The following LRRC4C variants were observed in gnomAD, a reference collection of about 807,000 sequenced individuals.
The protein encoded by LRRC4C is leucine rich repeat containing 4C, also known as leucine-rich repeat-containing protein 4C.
A neutral mutation model predicts 33.6 loss-of-function variants in LRRC4C; 5 were observed. That is an observed-to-expected ratio of 0.15 (90% CI 0.08 to 0.31). The LOEUF is 0.31. Among genes scored for constraint, LRRC4C ranks in the 10% least tolerant of loss-of-function variants. The pLI is 1.00. For synonymous variants in LRRC4C, 329 were observed against 302.0 expected (o/e 1.09, Z -0.93); for missense variants, 560 against 796.7 (o/e 0.70, Z 3.58).
intron 1 of LRRC4C, among the ~76,000 whole-genome samples, chr11:41,143,454 C>T (rs1943600084): frequency 6.6e-6 from 1 of 152,072 alleles, no homozygotes; most frequent in South Asian, 2.1e-4. Flanking sequence ...CTTTCAAATG[C>T]AAAGGTTTTT....
chr11:40,368,459 C>T (rs544537459), intron 3 of LRRC4C, among the ~76,000 whole-genome samples: 9 of 152,170 alleles, frequency 5.9e-5, no homozygotes, highest in African/African-American at 1.2e-4. Context: ...AAACTTAGTA[C>T]GGGAACATTT....
chr11:41,175,670 G>A (rs1306601534), intron 1 of LRRC4C, among the ~76,000 whole-genome samples: 1 of 152,110 alleles, frequency 6.6e-6, no homozygotes, highest in African/African-American at 2.4e-5. Flanking sequence ...AAGAGAAGCA[G>A]ACTATTTGTG....
At chr11:40,232,938 G>A (rs556601662) in intron 5 of LRRC4C, among the ~76,000 whole-genome samples, 10 of 152,190 alleles carry the variant, frequency 6.6e-5, no homozygotes, top group East Asian at 1.9e-4. Flanking sequence ...TAAACTTTCC[G>A]TTGGCTTGCC....
intron 1 of LRRC4C, among the ~76,000 whole-genome samples, chr11:41,439,537 AT>A (rs972264568): frequency 4.6e-5 from 7 of 151,936 alleles, no homozygotes; most frequent in Non-Finnish European, 1.0e-4. Context: ...CAAACATCCA[AT>A]TTTTTTTATT....
At chr11:41,093,948 A>C (rs1056265752) in intron 1 of LRRC4C, among the ~76,000 whole-genome samples, 1 of 150,034 alleles carries the variant, frequency 6.7e-6, no homozygotes, top group African/African-American at 2.5e-5. Context: ...AAAAAAAAAA[A>C]AACACACAAA....
intron 1 of LRRC4C, among the ~76,000 whole-genome samples, chr11:41,085,641 C>G (rs1213863062): frequency 6.6e-6 from 1 of 152,028 alleles, no homozygotes; most frequent in African/African-American, 2.4e-5. Flanking sequence ...GCTTCAGGAA[C>G]CTGAGGTGGT....
chr11:41,022,462 G>T, intron 1 of LRRC4C, among the ~76,000 whole-genome samples: 1 of 151,800 alleles, frequency 6.6e-6, no homozygotes, highest in East Asian at 1.9e-4. Flanking sequence ...TGTGTTTCGA[G>T]GGCTACAGAA....
intron 1 of LRRC4C, among the ~76,000 whole-genome samples, chr11:41,368,156 G>A (rs1374043380): frequency 6.6e-6 from 1 of 152,102 alleles, no homozygotes; most frequent in African/African-American, 2.4e-5. Flanking sequence ...CACCAATCAT[G>A]GCAAATTTCG....
intron 5 of LRRC4C, among the ~76,000 whole-genome samples, chr11:40,148,984 T>C (rs1322852547): frequency 6.6e-6 from 1 of 152,158 alleles, no homozygotes; most frequent in Non-Finnish European, 1.5e-5. Context: ...AAAGATCAGA[T>C]AGTTGTAGGA....
At chr11:41,344,791 C>T (rs12291212) in intron 1 of LRRC4C, among the ~76,000 whole-genome samples, 27,142 of 152,118 alleles carry the variant, frequency 0.18, 2,820 homozygotes, top group East Asian at 0.45. Context: ...TCAATAAATA[C>T]TGGCTATTTA....
intron 1 of LRRC4C, among the ~76,000 whole-genome samples, chr11:41,187,068 T>A (rs1056230877): frequency 2.6e-5 from 4 of 152,180 alleles, no homozygotes; most frequent in Non-Finnish European, 4.4e-5. Context: ...TATATACATT[T>A]TCATCTATGA....
intron 1 of LRRC4C, among the ~76,000 whole-genome samples, chr11:41,044,175 A>G (rs2138027077): frequency 6.6e-6 from 1 of 152,294 alleles, no homozygotes; most frequent in African/African-American, 2.4e-5. Flanking sequence ...TATTATTGGT[A>G]GAATTTTTTA....
At chr11:40,392,684 A>G (rs190382065) in intron 3 of LRRC4C, among the ~76,000 whole-genome samples, 36 of 152,278 alleles carry the variant, frequency 2.4e-4, no homozygotes, top group Admixed American at 1.1e-3. Context: ...TTTAAGTACT[A>G]GAAAAAAAAT....
chr11:41,094,511 G>A (rs945743361), intron 1 of LRRC4C, among the ~76,000 whole-genome samples: 3 of 152,026 alleles, frequency 2.0e-5, no homozygotes, highest in Non-Finnish European at 4.4e-5. Flanking sequence ...ACAACACAGC[G>A]AGACTCTGTC....
intron 1 of LRRC4C, among the ~76,000 whole-genome samples, chr11:41,336,896 G>A (rs184645767): frequency 8.6e-5 from 13 of 151,982 alleles, no homozygotes; most frequent in Admixed American, 6.6e-4. Flanking sequence ...ATAGTTTAAT[G>A]CAATAAACAC....
At position 40,871,053 on chromosome 11, in the gene LRRC4C, CCA is replaced by C. The variant is rs540275615; in HGVS notation, c.-407+62580_-407+62581del. ...CGAAGCTGTAGGGATGAAATAAGCCCCAGTCTCCCGTAGTGCTCCCAGGCTTA... is the reference window on the plus strand; with the variant it reads ...CGAAGCTGTAGGGATGAAATAAGCCCGTCTCCCGTAGTGCTCCCAGGCTTA... On this transcript the variant is annotated intron_variant, in intron 2 of 6. Transcript: ENST00000528697. Among the ~76,000 whole-genome samples the C allele has an allele frequency of 5.9e-3, 905 of 152,178 alleles. 12 individuals are homozygous for C. The highest frequency in any genetic ancestry group is 0.021 in the African/African-American group (873 of 41,518).
At chr11:40,269,754 T>C (rs1942548180) in intron 4 of LRRC4C, among the ~76,000 whole-genome samples, 1 of 149,102 alleles carries the variant, frequency 6.7e-6, no homozygotes, top group African/African-American at 2.5e-5. Context: ...ATACATTTTT[T>C]ATCCCTATCC....
chr11:41,419,341 C>G (rs1156655111), intron 1 of LRRC4C, among the ~76,000 whole-genome samples: 1 of 151,882 alleles, frequency 6.6e-6, no homozygotes, highest in African/African-American at 2.4e-5. Flanking sequence ...GGCTAACTGT[C>G]CTTCCTCAAG....
intron 2 of LRRC4C, among the ~76,000 whole-genome samples, chr11:40,683,760 G>A (rs1944817986): frequency 6.6e-6 from 1 of 152,140 alleles, no homozygotes; most frequent in Non-Finnish European, 1.5e-5. Context: ...GCCCCACTAG[G>A]GCTTGACTTC....
Sources: gnomAD v4.1 joint callset for allele counts (sites outside exome capture counted in the v4.1 genomes callset) on GRCh38, gnomAD v4.1.1 for gene constraint, MANE v1.5 for transcripts, NCBI Gene and HGNC (gene_info 2026-07-23, HGNC 2026-07-21) for gene names.